Variants in RMDN2 observed in about 807,000 individuals in gnomAD.
The protein encoded by RMDN2 is regulator of microtubule dynamics protein 2.
In RMDN2, 61 loss-of-function variants were observed where a neutral mutation model predicts 52.8. The ratio of observed to expected loss-of-function variants is 1.16; its 90% CI spans 0.94 to 1.43. The LOEUF (loss-of-function observed/expected upper bound fraction) is 1.43, where lower values mean the gene tolerates loss of function less well. RMDN2 is among the 40% of genes most tolerant of loss of function. The pLI, the probability that RMDN2 is intolerant of heterozygous loss-of-function variation, is 0.00. For synonymous variants in RMDN2, 180 were observed against 153.1 expected, an observed-to-expected ratio of 1.18 and a Z score of -1.30; for missense variants, 592 against 475.3, an observed-to-expected ratio of 1.25 and a Z score of -2.28.
chr2:37,927,968 T>A (rs866383425), intron 1 of RMDN2, among the ~76,000 whole-genome samples: 39 of 152,072 alleles, frequency 2.6e-4, no homozygotes, highest in Admixed American at 5.2e-4. Context: ...TGAAAAAAAA[T>A]TTTTTTAAGT....
At chr2:37,984,475 T>C (rs1673731260) in intron 5 of RMDN2, among the ~76,000 whole-genome samples, 1 of 152,234 alleles carries the variant, frequency 6.6e-6, no homozygotes, top group African/African-American at 2.4e-5. Flanking sequence ...TATGTGTGCA[T>C]GCACGCATGA....
intron 10 of RMDN2, chr2:38,066,902 G>A: frequency 7.3e-7 from 1 of 1,367,176 alleles, no homozygotes; most frequent in East Asian, 2.3e-5. Context: ...CCTTCTGGCT[G>A]CTAAAGTGAG....
At chr2:37,989,493 A>C (rs1674470725) in intron 5 of RMDN2, 48 bp from the exon 6 acceptor site, 1 of 1,297,130 alleles carries the variant, frequency 7.7e-7, no homozygotes, top group Non-Finnish European at 1.1e-6. Flanking sequence ...CATTTTGTTA[A>C]AAATTTACAC....
intron 10 of RMDN2, among the ~76,000 whole-genome samples, chr2:38,034,453 C>G (rs1334314844): frequency 6.6e-6 from 1 of 152,126 alleles, no homozygotes; most frequent in Non-Finnish European, 1.5e-5. Context: ...CAGAGGCAAA[C>G]AGGTGAACTT....
intron 10 of RMDN2, among the ~76,000 whole-genome samples, chr2:38,023,053 T>A (rs888459599): frequency 6.6e-6 from 1 of 152,230 alleles, no homozygotes; most frequent in African/African-American, 2.4e-5. Context: ...AACACTTACC[T>A]GGTAATTACC....
chr2:38,048,668 A>C (rs1229974269), intron 10 of RMDN2, among the ~76,000 whole-genome samples: 2 of 152,176 alleles, frequency 1.3e-5, no homozygotes, highest in African/African-American at 4.8e-5. Flanking sequence ...CCGACAAACA[A>C]CAGAACCACC....
rs988856144 is a variant in RMDN2, at chr2:37,975,372, C to T, written c.730+58C>T. ...CAATTAAGATCTATAGTAAATCATG[C>T]AGCCGTAAAAAAGGATGAGTTCATG... is the stretch of plus-strand genomic sequence containing the variant. On this transcript the variant is annotated intron_variant, in intron 4 of 10. Coordinates refer to ENST00000354545, the MANE Select transcript of RMDN2 (RefSeq NM_001170791.3). The T allele has an allele frequency of 3.0e-6, 3 of 1,015,746 alleles. No individual in the cohort carries two copies. In the African/African-American group the frequency reaches 4.8e-5, roughly 16 times the overall value. The allele number at this position is 1,015,746 out of a possible 1,614,324, so 62.9% of individuals were successfully genotyped here. A position where few individuals can be genotyped will look rare whatever the true frequency, so the allele number is the denominator to read the frequency against.
intron 10 of RMDN2, among the ~76,000 whole-genome samples, chr2:38,044,920 G>C (rs1681179424): frequency 6.6e-6 from 1 of 152,096 alleles, no homozygotes; most frequent in African/African-American, 2.4e-5. Flanking sequence ...TTGATTACTT[G>C]ATTTGGCAAG....
intron 4 of RMDN2, among the ~76,000 whole-genome samples, chr2:37,978,815 G>GAT (rs1661809261): frequency 3.9e-5 from 6 of 152,004 alleles, no homozygotes; most frequent in South Asian, 4.2e-4. Context: ...TAGATAGATA[G>GAT]AGAACAGGCT....
rs372732058 is a variant in RMDN2, at chr2:37,951,794, C to G, written c.452+22065C>G. On this transcript the variant is annotated intron_variant, in intron 2 of 10. Coordinates refer to ENST00000354545, the MANE Select transcript of RMDN2 (RefSeq NM_001170791.3). ...AAAATTTTAAGAATTTTGAAACAAA[C>G]ACTACTTCTCCAGCCTTTGGGAACA... is the stretch of plus-strand genomic sequence containing the variant. 2.2e-5 allele frequency: 35 copies of G among 1,613,410 alleles called. No individual in the cohort carries two copies. The South Asian group carries it at 2.4e-4, about 11-fold the overall frequency.
chr2:37,993,894 C>T (rs781076250), intron 7 of RMDN2, among the ~76,000 whole-genome samples: 6 of 152,078 alleles, frequency 3.9e-5, no homozygotes, highest in Non-Finnish European at 5.9e-5. Context: ...ATTTAAAAGC[C>T]GTTTACCCAA....
chr2:37,966,567 C>A (rs1027044280), intron 2 of RMDN2, among the ~76,000 whole-genome samples: 1 of 152,124 alleles, frequency 6.6e-6, no homozygotes, highest in East Asian at 1.9e-4. Flanking sequence ...CTTCATGAGG[C>A]CCCGTAGGTC....
At chr2:37,984,920 T>C (rs767431221) in intron 5 of RMDN2, among the ~76,000 whole-genome samples, 21 of 151,880 alleles carry the variant, frequency 1.4e-4, no homozygotes, top group Non-Finnish European at 2.9e-4. Context: ...ATAGGTAGAA[T>C]GGATTGAAAG....
At chr2:38,056,310 CCA>C (rs756844494) in intron 10 of RMDN2, among the ~76,000 whole-genome samples, 4 of 152,142 alleles carry the variant, frequency 2.6e-5, no homozygotes, top group Non-Finnish European at 4.4e-5. Flanking sequence ...ACCCTCATGT[CCA>C]CACAGTCTCT....
At chr2:37,950,446 T>C in intron 2 of RMDN2, 1 of 1,609,690 alleles carries the variant, frequency 6.2e-7, no homozygotes, top group Non-Finnish European at 8.5e-7. Context: ...CATTCTGTGT[T>C]ATTGCCATGT....
At chr2:38,049,765 T>G (rs147016201) in intron 10 of RMDN2, among the ~76,000 whole-genome samples, 196 of 152,278 alleles carry the variant, frequency 1.3e-3, no homozygotes, top group Non-Finnish European at 2.4e-3. Flanking sequence ...AGATGGGGTC[T>G]TGGTATGTTG....
intron 6 of RMDN2, among the ~76,000 whole-genome samples, chr2:37,990,255 A>C (rs942166005): frequency 2.0e-5 from 3 of 151,888 alleles, no homozygotes; most frequent in African/African-American, 7.3e-5. Context: ...GTGGTGGCTC[A>C]CACCTGTAAT....
intron 5 of RMDN2, among the ~76,000 whole-genome samples, chr2:37,982,544 T>A (rs895035024): frequency 6.6e-6 from 1 of 152,146 alleles, no homozygotes. Flanking sequence ...TTATTTTCCT[T>A]ATCTTACGTA....
intron 10 of RMDN2, among the ~76,000 whole-genome samples, chr2:38,037,644 G>A (rs1680671472): frequency 6.6e-6 from 1 of 152,196 alleles, no homozygotes; most frequent in East Asian, 1.9e-4. Context: ...TTAAAACATA[G>A]TTCAGAACCT....
Sources: allele counts gnomAD v4.1 joint callset (sites outside exome capture counted in the v4.1 genomes callset), GRCh38; gene constraint gnomAD v4.1.1; transcripts MANE v1.5; gene names NCBI Gene and HGNC (gene_info 2026-07-23, HGNC 2026-07-21).